Variants in PTPRM observed in about 807,000 individuals in gnomAD.
PTPRM encodes the protein protein tyrosine phosphatase receptor type M.
A neutral mutation model predicts 186.7 loss-of-function variants in PTPRM; 47 were observed. The ratio of observed to expected loss-of-function variants is 0.25; its 90% CI spans 0.20 to 0.32. The LOEUF is 0.32. PTPRM is among the 10% of genes least tolerant of loss of function. PTPRM has a pLI of 1.00. For missense variants in PTPRM, 1,494 were observed against 1,865.0 expected (o/e 0.80, Z 3.66); for synonymous variants, 668 against 674.9 (o/e 0.99, Z 0.16).
chr18:7,728,059 T>C lies in PTPRM; in HGVS notation c.74-46090T>C, dbSNP rs1344593298. ...ATCTTCTTGTCTCTGGTCTCTGGCC[T>C]ATTCTTTGAAGGCTTCCCCAAGTTC... On this transcript the variant is annotated intron_variant, in intron 1 of 32. Transcript: ENST00000580170. Among the ~76,000 whole-genome samples, 3 of 152,246 alleles carry C rather than the reference T, an allele frequency of 2.0e-5. No individual in the cohort carries two copies. In the East Asian group the frequency reaches 5.8e-4, roughly 29 times the overall value.
At chr18:8,014,789 G>A (rs182338697) in intron 7 of PTPRM, among the ~76,000 whole-genome samples, 2 of 152,228 alleles carry the variant, frequency 1.3e-5, no homozygotes, top group Admixed American at 6.5e-5. Context: ...CATATTTAGT[G>A]CCAAAAATTG....
At chr18:7,884,924 CAAAA>C (rs56724615) in intron 2 of PTPRM, among the ~76,000 whole-genome samples, 1,593 of 37,632 alleles carry the variant, frequency 0.042, 14 homozygotes, top group African/African-American at 0.13. Flanking sequence ...AGCTCCATCT[CAAAA>C]AAAAAAAAAA....
At chr18:8,051,501 C>T (rs1310386759) in intron 7 of PTPRM, among the ~76,000 whole-genome samples, 5 of 152,140 alleles carry the variant, frequency 3.3e-5, no homozygotes, top group African/African-American at 1.2e-4. Flanking sequence ...TTTTCCTTTG[C>T]TCTTCTCTTA....
At chr18:8,101,917 T>TAA (rs751825904) in intron 11 of PTPRM, among the ~76,000 whole-genome samples, 1 of 152,172 alleles carries the variant, frequency 6.6e-6, no homozygotes, top group Non-Finnish European at 1.5e-5. Flanking sequence ...TATCCTTTAT[T>TAA]TATTGTCTTT....
intron 8 of PTPRM, 106 bp downstream of exon 8, chr18:8,070,100 GT>G: frequency 2.0e-6 from 2 of 1,020,302 alleles, no homozygotes; most frequent in Non-Finnish European, 2.8e-6. Context: ...TACTTATTTT[GT>G]TGAACAACAC....
At chr18:8,126,027 A>ATATTT (rs57751538) in intron 13 of PTPRM, among the ~76,000 whole-genome samples, 112 of 69,446 alleles carry the variant, frequency 1.6e-3, no homozygotes, top group Non-Finnish European at 2.0e-3. Flanking sequence ...ATATATATAT[A>ATATTT]TTTTAAATCA....
intron 2 of PTPRM, among the ~76,000 whole-genome samples, chr18:7,855,638 C>T (rs536631745): frequency 7.2e-5 from 11 of 152,286 alleles, no homozygotes; most frequent in African/African-American, 2.6e-4. Flanking sequence ...ACTAAGTAAG[C>T]TTTTTGTCAG....
At chr18:7,640,838 A>C (rs186870755) in intron 1 of PTPRM, among the ~76,000 whole-genome samples, 1 of 152,240 alleles carries the variant, frequency 6.6e-6, no homozygotes, top group Admixed American at 6.5e-5. Flanking sequence ...TAGATTGTCT[A>C]CTTAGTTTTC....
At chr18:7,906,668 T>C in intron 4 of PTPRM, 85 bp downstream of exon 4, 2 of 1,116,452 alleles carry the variant, frequency 1.8e-6, no homozygotes, top group Non-Finnish European at 2.7e-6. Context: ...TGAAAACCTG[T>C]GAAGAGGTCA....
chr18:8,158,099 C>T (rs1246637469), intron 14 of PTPRM, among the ~76,000 whole-genome samples: 1 of 152,228 alleles, frequency 6.6e-6, no homozygotes. Flanking sequence ...ACTGATTCCT[C>T]ATTTGAATGC....
chr18:8,026,430 A>G (rs1018261931), intron 7 of PTPRM, among the ~76,000 whole-genome samples: 1 of 152,264 alleles, frequency 6.6e-6, no homozygotes, highest in African/African-American at 2.4e-5. Flanking sequence ...AAATTGGGAT[A>G]CAAAATCACA....
chr18:7,966,460 G>A (rs2054059972), intron 7 of PTPRM, among the ~76,000 whole-genome samples: 1 of 152,156 alleles, frequency 6.6e-6, no homozygotes, highest in African/African-American at 2.4e-5. Flanking sequence ...GAGCCAAGAT[G>A]GCCGAATAGG....
At chr18:7,770,827 A>G (rs1270887733) in intron 1 of PTPRM, among the ~76,000 whole-genome samples, 5 of 147,278 alleles carry the variant, frequency 3.4e-5, no homozygotes, top group Middle Eastern at 3.2e-3. Context: ...CATCTTTGTT[A>G]TTTTGGGGGG....
At chr18:7,885,699 C>T (rs1438327151) in intron 2 of PTPRM, among the ~76,000 whole-genome samples, 2 of 152,138 alleles carry the variant, frequency 1.3e-5, no homozygotes, top group African/African-American at 4.8e-5. Context: ...GCTAGGATCA[C>T]TTGAGTAACT....
At chr18:7,879,266 C>T (rs2048383018) in intron 2 of PTPRM, among the ~76,000 whole-genome samples, 1 of 152,296 alleles carries the variant, frequency 6.6e-6, no homozygotes, top group Middle Eastern at 3.4e-3. Context: ...TTTCACAAGT[C>T]CCTTTTAAGA....
Position 7,841,281 on chromosome 18 carries a change from C to CTT in PTPRM, c.197-46798_197-46797dup, listed in dbSNP as rs34688860. On this transcript the variant is annotated intron_variant, in intron 2 of 32. Transcript: ENST00000580170. ...TGGACATTTTTGGCTCAAATCATTT[C>CTT]TTTTTTTTTTTTTTTTTTTTTTTTT... is the stretch of plus-strand genomic sequence containing the variant. Among the ~76,000 whole-genome samples, 255 of 70,226 alleles carry CTT rather than the reference C, an allele frequency of 3.6e-3. 39 individuals carry two copies. Among genetic ancestry groups the CTT allele is most frequent in the Middle Eastern group, 0.026 (2 of 78 alleles). 46.1% of individuals were successfully genotyped at this position (70,226 alleles called of 152,430 possible).
At chr18:8,295,993 C>T (rs2095093022) in intron 19 of PTPRM, among the ~76,000 whole-genome samples, 1 of 152,126 alleles carries the variant, frequency 6.6e-6, no homozygotes, top group East Asian at 1.9e-4. Flanking sequence ...ATCACTGTAT[C>T]TCTTACAAGA....
At chr18:8,341,543 A>G (rs1021025284) in intron 22 of PTPRM, among the ~76,000 whole-genome samples, 1 of 152,158 alleles carries the variant, frequency 6.6e-6, no homozygotes, top group African/African-American at 2.4e-5. Context: ...GGCCCTGACA[A>G]GGGAAGTGGC....
intron 2 of PTPRM, among the ~76,000 whole-genome samples, chr18:7,819,486 G>C (rs916002607): frequency 7.1e-6 from 1 of 141,358 alleles, no homozygotes; most frequent in African/African-American, 2.5e-5. Context: ...GCAGAGGAGA[G>C]CCCAGGCCAC....
Sources: gnomAD v4.1 joint callset for allele counts (sites outside exome capture counted in the v4.1 genomes callset) on GRCh38, gnomAD v4.1.1 for gene constraint, MANE v1.5 for transcripts, NCBI Gene and HGNC (gene_info 2026-07-23, HGNC 2026-07-21) for gene names.